The following FCHSD2 variants were observed in gnomAD, a reference collection of about 807,000 sequenced individuals.
FCHSD2 encodes the protein FCH and double SH3 domains 2.
FCHSD2 carries 38 observed loss-of-function variants against 108.1 expected under a neutral mutation model. The ratio of observed to expected loss-of-function variants is 0.35; its 90% CI spans 0.27 to 0.46. The LOEUF is 0.46. Ranked by LOEUF, FCHSD2 falls within the 20% of genes least tolerant of loss-of-function variation. The pLI, the probability that FCHSD2 is intolerant of heterozygous loss-of-function variation, is 1.00. For synonymous variants in FCHSD2, 279 were observed against 314.7 expected, an observed-to-expected ratio of 0.89 and a Z score of 1.20; for missense variants, 751 against 897.8, an observed-to-expected ratio of 0.84 and a Z score of 2.09.
chr11:72,842,456 C>T (rs975052536), intron 17 of FCHSD2, among the ~76,000 whole-genome samples, 165 bp downstream of exon 17: 1 of 152,246 alleles, frequency 6.6e-6, no homozygotes, highest in Non-Finnish European at 1.5e-5. Context: ...AAGGGACTGA[C>T]TGACAAGTCT....
intron 8 of FCHSD2, among the ~76,000 whole-genome samples, chr11:72,922,699 C>T (rs936800251): frequency 6.6e-6 from 1 of 151,912 alleles, no homozygotes; most frequent in Admixed American, 6.6e-5. Context: ...TATACACTAG[C>T]AATAACTATG....
chr11:73,056,863 A>C (rs866244399), intron 3 of FCHSD2, among the ~76,000 whole-genome samples: 1 of 152,138 alleles, frequency 6.6e-6, no homozygotes, highest in East Asian at 1.9e-4. Flanking sequence ...TGGGTGGATC[A>C]CAGGGTCAGG....
chr11:72,860,352 G>A (rs571619432), intron 13 of FCHSD2, among the ~76,000 whole-genome samples: 1 of 152,108 alleles, frequency 6.6e-6, no homozygotes, highest in South Asian at 2.1e-4. Flanking sequence ...AAGAACACAT[G>A]TAACAGTTAC....
chr11:72,849,680 G>T (rs1861231683), intron 14 of FCHSD2, 75 bp downstream of exon 14: 11 of 1,146,448 alleles, frequency 9.6e-6, no homozygotes, highest in Admixed American at 2.0e-5. Context: ...CAGCTTGAGA[G>T]ACTGGATGGA....
At chr11:72,937,279 A>C (rs908948918) in intron 8 of FCHSD2, among the ~76,000 whole-genome samples, 21 of 152,252 alleles carry the variant, frequency 1.4e-4, no homozygotes, top group African/African-American at 5.1e-4. Context: ...TGCAAACAAA[A>C]AAATTCTTGG....
rs146710424 is a variant in FCHSD2 at position 72,865,486 on chromosome 11, T to C, written c.1308+2379A>G. Among the ~76,000 whole-genome samples, 1,034 of 152,244 alleles carry C rather than the reference T, an allele frequency of 6.8e-3. 9 individuals carry two copies. Among genetic ancestry groups the C allele is most frequent in the South Asian group, 0.017 (81 of 4,820 alleles). ...GCTCCCTTCACAGAGGATATGTATG[T>C]CTCTAGAGGAGTGATTTCTCTGGAC... On this transcript the variant is annotated intron_variant, in intron 13 of 19. Transcript: ENST00000409418.
intron 4 of FCHSD2, among the ~76,000 whole-genome samples, chr11:73,009,768 T>C (rs978017875): frequency 6.6e-6 from 1 of 152,124 alleles, no homozygotes; most frequent in South Asian, 2.1e-4. Context: ...AATCTGCTAG[T>C]AGTCTCATAG....
At chr11:72,851,219 T>C (rs6592493) in intron 13 of FCHSD2, among the ~76,000 whole-genome samples, 151,781 of 152,244 alleles carry the variant, frequency 1, 75,660 homozygotes, top group Non-Finnish European at 1. Context: ...AACAACCTGT[T>C]CACTGAAATT....
chr11:73,010,835 C>A (rs1250613366), intron 4 of FCHSD2, among the ~76,000 whole-genome samples: 1 of 152,224 alleles, frequency 6.6e-6, no homozygotes, highest in African/African-American at 2.4e-5. Context: ...AGGTGGCTTA[C>A]TCAGATGCTG....
At chr11:72,876,593 A>G (rs1482298013) in intron 12 of FCHSD2, among the ~76,000 whole-genome samples, 2 of 152,204 alleles carry the variant, frequency 1.3e-5, no homozygotes, top group African/African-American at 2.4e-5. Context: ...GGTCCAGTGT[A>G]TGGTCTTGTT....
At chr11:72,950,295 T>C (rs956945426) in intron 8 of FCHSD2, among the ~76,000 whole-genome samples, 1 of 152,224 alleles carries the variant, frequency 6.6e-6, no homozygotes, top group Non-Finnish European at 1.5e-5. Context: ...GTGGGTTGTC[T>C]TCACTTTCTC....
At chr11:72,861,437 A>G (rs530074571) in intron 13 of FCHSD2, among the ~76,000 whole-genome samples, 1 of 152,256 alleles carries the variant, frequency 6.6e-6, no homozygotes, top group African/African-American at 2.4e-5. Context: ...CAGCCCTGGT[A>G]AATTCCACTA....
intron 2 of FCHSD2, among the ~76,000 whole-genome samples, chr11:73,119,804 T>G (rs761443382): frequency 6.6e-6 from 1 of 152,126 alleles, no homozygotes; most frequent in Non-Finnish European, 1.5e-5. Flanking sequence ...TTCTAGAAAT[T>G]TATCCTTATT....
intron 2 of FCHSD2, among the ~76,000 whole-genome samples, chr11:73,108,594 C>T (rs1024617532): frequency 2.8e-4 from 43 of 152,124 alleles, no homozygotes; most frequent in Non-Finnish European, 5.4e-4. Context: ...CGGAGTCTCG[C>T]TCTGTCGCCC....
At chr11:72,944,500 T>A (rs577153417) in intron 8 of FCHSD2, among the ~76,000 whole-genome samples, 10 of 152,288 alleles carry the variant, frequency 6.6e-5, no homozygotes, top group African/African-American at 2.4e-4. Flanking sequence ...AAGACAGGGA[T>A]GCCCTCTCTC....
At position 73,008,272 on chromosome 11, in the gene FCHSD2, G is replaced by C. The variant is rs1362590669; in HGVS notation, c.243-7138C>G. Among the ~76,000 whole-genome samples, 41 of 152,304 alleles carry C rather than the reference G, an allele frequency of 2.7e-4. 2 individuals carry two copies. The highest frequency in any genetic ancestry group is 2.5e-3 in the Admixed American group (39 of 15,300). ...AAGAATTGCTTGAACCCAGGAGGCA[G>C]ACATTGCAGTGGGCCAAGACTGTAC... is the stretch of plus-strand genomic sequence containing the variant. On this transcript the variant is annotated intron_variant, in intron 4 of 19. Coordinates refer to ENST00000409418, the MANE Select transcript of FCHSD2 (RefSeq NM_014824.3).
At chr11:72,881,706 G>C (rs1365994133) in intron 12 of FCHSD2, among the ~76,000 whole-genome samples, 1 of 152,208 alleles carries the variant, frequency 6.6e-6, no homozygotes, top group Non-Finnish European at 1.5e-5. Context: ...TCATAAAAAA[G>C]AATGAAATCC....
At chr11:73,116,920 T>C (rs1365590600) in intron 2 of FCHSD2, among the ~76,000 whole-genome samples, 2 of 127,466 alleles carry the variant, frequency 1.6e-5, no homozygotes, top group East Asian at 2.1e-4. Context: ...AGTAATTATA[T>C]TTTTTCATGT....
intron 2 of FCHSD2, among the ~76,000 whole-genome samples, chr11:73,090,138 C>G (rs1295327371): frequency 7.1e-6 from 1 of 140,062 alleles, no homozygotes; most frequent in East Asian, 2.1e-4. Context: ...GTTAAGTAAA[C>G]AAAAAATGTA....
Sources: gnomAD v4.1 joint callset for allele counts (sites outside exome capture counted in the v4.1 genomes callset) on GRCh38, gnomAD v4.1.1 for gene constraint, MANE v1.5 for transcripts, NCBI Gene and HGNC (gene_info 2026-07-23, HGNC 2026-07-21) for gene names.